AKT3: variants seen among roughly 807,000 people sequenced by gnomAD.
AKT3 encodes the protein AKT serine/threonine kinase 3, also known as RAC-gamma serine/threonine-protein kinase.
In AKT3, 15 loss-of-function variants were observed where a neutral mutation model predicts 65.3. The ratio of observed to expected loss-of-function variants is 0.23; its 90% CI spans 0.15 to 0.35. The LOEUF (loss-of-function observed/expected upper bound fraction) is 0.35. Among genes scored for constraint, AKT3 ranks in the 10% least tolerant of loss-of-function variants. The probability of loss-of-function intolerance (pLI) is 1.00; values close to 1 mark genes in which losing one functional copy is unlikely to be tolerated. For missense variants in AKT3, 243 were observed against 576.5 expected, an observed-to-expected ratio of 0.42 and a Z score of 5.92; for synonymous variants, 206 against 183.8, an observed-to-expected ratio of 1.12 and a Z score of -0.98.
chr1:243,524,361 G>C (rs896517856), intron 12 of AKT3, among the ~76,000 whole-genome samples: 16 of 152,114 alleles, frequency 1.1e-4, no homozygotes, highest in Non-Finnish European at 1.9e-4. Context: ...TACATACCAG[G>C]CACCAGCCTC....
intron 1 of AKT3, among the ~76,000 whole-genome samples, chr1:243,848,188 A>T (rs1287254317): frequency 2.0e-5 from 3 of 152,176 alleles, no homozygotes; most frequent in African/African-American, 7.2e-5. Flanking sequence ...ATTGGGGTCA[A>T]CCCTAGTAAG....
chr1:243,781,794 T>C (rs183054318), intron 2 of AKT3, among the ~76,000 whole-genome samples: 1 of 152,188 alleles, frequency 6.6e-6, no homozygotes, highest in East Asian at 1.9e-4. Flanking sequence ...TGGAAAACTA[T>C]TCTAAAATTC....
chr1:243,811,639 A>G (rs570522858), intron 2 of AKT3, among the ~76,000 whole-genome samples: 2 of 152,338 alleles, frequency 1.3e-5, no homozygotes, highest in African/African-American at 4.8e-5. Context: ...TCAAGCTACC[A>G]ATGACTTTCT....
At chr1:243,620,567 T>G (rs1273800576) in intron 6 of AKT3, among the ~76,000 whole-genome samples, 2 of 152,054 alleles carry the variant, frequency 1.3e-5, no homozygotes, top group South Asian at 2.1e-4. Context: ...CTTATCAAGC[T>G]CTAAATTTTG....
rs368686535 is a variant in AKT3 at position 243,510,628 on chromosome 1, G to A, written c.1354+1696C>T. 4.5e-4 allele frequency among the ~76,000 whole-genome samples: 68 copies of A among 152,296 alleles called. 1 individual carries two copies. Among genetic ancestry groups the A allele is most frequent in the East Asian group, 1.4e-3 (7 of 5,180 alleles). ...ACCATAAATACTGTCCCCAGAGCCC[G>A]AGGCATGGTGACGTGTGGCATGTTC... is the stretch of plus-strand genomic sequence containing the variant. On this transcript the variant is annotated intron_variant, in intron 13 of 13. Transcript: ENST00000673466.
At chr1:243,701,947 G>A (rs1685490181) in intron 2 of AKT3, among the ~76,000 whole-genome samples, 1 of 151,890 alleles carries the variant, frequency 6.6e-6, no homozygotes, top group African/African-American at 2.4e-5. Context: ...TTAATCACAA[G>A]CAAAGTCACA....
At position 243,500,356 on chromosome 1, in the gene AKT3, T is replaced by C. The variant is rs186540139; in HGVS notation, c.*4893A>G. 4.4e-6 allele frequency: 1 copy of C among 225,396 alleles called. No individual in the cohort carries two copies. The highest frequency in any genetic ancestry group is 5.7e-5 in the Admixed American group (1 of 17,546). The allele number at this position is 225,396 out of a possible 1,614,324, so 14.0% of individuals were successfully genotyped here. On this transcript the variant is annotated 3_prime_UTR_variant, in exon 14 of 14. Coordinates refer to ENST00000673466, the MANE Select transcript of AKT3 (RefSeq NM_005465.7). Reference sequence around the variant, plus strand: ...GCACTATGCATTACTCTTTCCATTCTGTTAAACAACGAAAACAGACAAAAA... The same window carrying C: ...GCACTATGCATTACTCTTTCCATTCCGTTAAACAACGAAAACAGACAAAAA...
chr1:243,582,094 C>T (rs979706600), intron 8 of AKT3, among the ~76,000 whole-genome samples: 1 of 151,768 alleles, frequency 6.6e-6, no homozygotes, highest in African/African-American at 2.4e-5. Context: ...TATGGAATTA[C>T]AGAAAGTGAT....
At chr1:243,752,838 T>C (rs1688892593) in intron 2 of AKT3, among the ~76,000 whole-genome samples, 1 of 152,178 alleles carries the variant, frequency 6.6e-6, no homozygotes, top group African/African-American at 2.4e-5. Flanking sequence ...TTAAATCAGC[T>C]CTAATTCTAG....
intron 10 of AKT3, among the ~76,000 whole-genome samples, chr1:243,556,192 T>C (rs1673395998): frequency 6.6e-6 from 1 of 152,092 alleles, no homozygotes; most frequent in Non-Finnish European, 1.5e-5. Flanking sequence ...CAAATTAACA[T>C]TAAATATCCT....
intron 8 of AKT3, among the ~76,000 whole-genome samples, chr1:243,606,684 G>A (rs1471337866): frequency 6.6e-6 from 1 of 152,240 alleles, no homozygotes; most frequent in African/African-American, 2.4e-5. Flanking sequence ...GTAACAAGGA[G>A]CCAGATGTTA....
intron 7 of AKT3, 116 bp downstream of exon 7, chr1:243,614,980 T>G: frequency 1.3e-6 from 1 of 789,004 alleles, no homozygotes; most frequent in Non-Finnish European, 2.0e-6. Context: ...TTACGTTCTT[T>G]CCACAAAGAA....
At chr1:243,641,382 C>T (rs2147826878) in intron 5 of AKT3, among the ~76,000 whole-genome samples, 2 of 149,420 alleles carry the variant, frequency 1.3e-5, no homozygotes, top group South Asian at 4.2e-4. Context: ...TGGCAAGTAA[C>T]TCAGAAACAT....
downstream of AKT3, among the ~76,000 whole-genome samples, chr1:243,496,402 T>G (rs1667901790): frequency 2.0e-5 from 3 of 152,202 alleles, no homozygotes; most frequent in Non-Finnish European, 4.4e-5. Flanking sequence ...CAGGGCCAGC[T>G]TTGAAATGCC....
At chr1:243,742,927 A>C (rs764184992) in intron 2 of AKT3, among the ~76,000 whole-genome samples, 3 of 152,108 alleles carry the variant, frequency 2.0e-5, no homozygotes, top group Non-Finnish European at 4.4e-5. Context: ...GACTGCAACA[A>C]CAAACACTAG....
At chr1:243,493,992 C>T (rs538598183) in intron 13 of AKT3, among the ~76,000 whole-genome samples, 36 of 152,204 alleles carry the variant, frequency 2.4e-4, no homozygotes, top group Admixed American at 1.4e-3. Context: ...CATGTTAGGC[C>T]TTGGAGGTGT....
intron 12 of AKT3, among the ~76,000 whole-genome samples, chr1:243,515,555 T>C (rs1670297761): frequency 6.6e-6 from 1 of 152,240 alleles, no homozygotes; most frequent in African/African-American, 2.4e-5. Flanking sequence ...GTTTTGAATG[T>C]TAAATCAATC....
chr1:243,661,291 T>G (rs1182341146), intron 4 of AKT3, among the ~76,000 whole-genome samples: 1 of 152,196 alleles, frequency 6.6e-6, no homozygotes, highest in Non-Finnish European at 1.5e-5. Context: ...GGCATCATGC[T>G]ACCTGACTTC....
chr1:243,811,287 C>T (rs886922196), intron 2 of AKT3, among the ~76,000 whole-genome samples: 1 of 152,168 alleles, frequency 6.6e-6, no homozygotes, highest in Admixed American at 6.5e-5. Flanking sequence ...ATGGTCTCAG[C>T]CCAAAACCTC....
Sources: allele counts gnomAD v4.1 joint callset (sites outside exome capture counted in the v4.1 genomes callset), GRCh38; gene constraint gnomAD v4.1.1; transcripts MANE v1.5; gene names NCBI Gene and HGNC (gene_info 2026-07-23, HGNC 2026-07-21).